The following NARS1 variants were observed in gnomAD, a reference collection of about 807,000 sequenced individuals.
NARS1 encodes the protein asparaginyl-tRNA synthetase 1, also known as asparagine--tRNA ligase, cytoplasmic.
A neutral mutation model predicts 79.2 loss-of-function variants in NARS1; 65 were observed. The ratio of observed to expected loss-of-function variants is 0.82; its 90% CI spans 0.67 to 1.01. The LOEUF (loss-of-function observed/expected upper bound fraction) is 1.01. NARS1 is among the 50% of genes least tolerant of loss of function. The probability of loss-of-function intolerance (pLI) is 0.00; values close to 1 mark genes in which losing one functional copy is unlikely to be tolerated. For missense variants in NARS1, 649 were observed against 673.8 expected, an observed-to-expected ratio of 0.96 and a Z score of 0.41; for synonymous variants, 229 against 238.8, an observed-to-expected ratio of 0.96 and a Z score of 0.38.
Position 57,615,745 on chromosome 18 carries a change from G to T in NARS1, c.253-15C>A, listed in dbSNP as rs1304097347. The stretch of plus-strand genomic sequence containing the variant: ...CTATCTTCTGCCTAATTTTAATGAT[G>T]AAGCAGTTTGTTAACATGGTTGCCA... On this transcript the variant is annotated splice_polypyrimidine_tract_variant and intron_variant, in intron 3 of 13. Coordinates refer to ENST00000256854, the MANE Select transcript of NARS1 (RefSeq NM_004539.4). The T allele has an allele frequency of 2.5e-6, 4 of 1,610,214 alleles. No individual in the cohort carries two copies. The highest frequency in any genetic ancestry group is 3.4e-6 in the Non-Finnish European group (4 of 1,177,586).
Position 57,620,664 on chromosome 18 carries a change from A to G in NARS1, c.11-13T>C. ...ACGTACAGCTCTGCTGTTTGACAAA[A>G]TGAGGGTAAGTTATGGTCTGGCCAT... is the stretch of plus-strand genomic sequence containing the variant. On this transcript the variant is annotated splice_polypyrimidine_tract_variant and intron_variant, in intron 1 of 13. Transcript: ENST00000256854. 1 of 1,589,494 alleles carries G rather than the reference A, an allele frequency of 6.3e-7. No homozygotes were observed. Among genetic ancestry groups the G allele is most frequent in the African/African-American group, 1.3e-5 (1 of 74,232 alleles).
chr18:57,607,374 A>G, intron 8 of NARS1, 41 bp from the exon 9 acceptor site: 1 of 1,610,154 alleles, frequency 6.2e-7, no homozygotes, highest in Non-Finnish European at 8.5e-7. Context: ...TGCTATCGTG[A>G]GCACCACTAT....
rs866350184 is a variant in NARS1 at position 57,605,961 on chromosome 18, G to A, written c.1147C>T (p.Pro383Ser). The A allele has an allele frequency of 6.2e-7, 1 of 1,610,912 alleles. No homozygotes were observed. The highest frequency in any genetic ancestry group is 1.1e-5 in the South Asian group (1 of 90,684). Residue 383 changes from proline (P) to serine (S), a missense_variant, in exon 11 of 14, where the codon CCC (proline) becomes TCC (serine). Transcript: ENST00000256854. The stretch of plus-strand genomic sequence containing the variant: ...ATCCGTTTGAAAGGCCGTTTGGGGG[G>A]CTGAAAGTTCTACAGAAGAAAGGAA... ...IVHELNPNFQ[P>S]PKRPFKRMNY...
chr18:57,613,389 A>T (rs2051621104), intron 5 of NARS1, among the ~76,000 whole-genome samples: 1 of 152,120 alleles, frequency 6.6e-6, no homozygotes, highest in Non-Finnish European at 1.5e-5. Context: ...GCTACTCAGG[A>T]GGCTGAGGCA....
At chr18:57,613,787 T>C (rs997713547) in intron 4 of NARS1, 107 bp from the exon 5 acceptor site, 9 of 874,808 alleles carry the variant, frequency 1.0e-5, no homozygotes, top group African/African-American at 8.3e-5. Context: ...TCACAAATGG[T>C]GCAAAACTGG....
chr18:57,617,171 T>G (rs2122455300), intron 2 of NARS1, among the ~76,000 whole-genome samples: 1 of 152,278 alleles, frequency 6.6e-6, no homozygotes, highest in East Asian at 1.9e-4. Context: ...TCAAAATCTC[T>G]TCCAAGTTAT....
chr18:57,603,012 C>T (rs1411952305), intron 11 of NARS1, 69 bp from the exon 12 acceptor site: 10 of 1,520,232 alleles, frequency 6.6e-6, no homozygotes, highest in East Asian at 2.3e-5. Flanking sequence ...AGCTCCTTCA[C>T]CCTGTACCAG....
chr18:57,606,587 C>T, intron 10 of NARS1, 29 bp downstream of exon 10: 1 of 1,585,534 alleles, frequency 6.3e-7, no homozygotes, highest in Non-Finnish European at 8.6e-7. Flanking sequence ...AGGACTGTGA[C>T]TTTTTCTTTC....
intron 10 of NARS1, among the ~76,000 whole-genome samples, 164 bp downstream of exon 10, chr18:57,606,449 CATT>C (rs1453107111): frequency 6.6e-6 from 1 of 150,736 alleles, no homozygotes; most frequent in African/African-American, 2.4e-5. Context: ...TAACTGAAAA[CATT>C]ATAAAATTAT....
chr18:57,608,607 C>A (rs543986520), intron 7 of NARS1, among the ~76,000 whole-genome samples: 1 of 152,216 alleles, frequency 6.6e-6, no homozygotes, highest in Non-Finnish European at 1.5e-5. Context: ...TTCAGGAATT[C>A]CGTAAGGCTG....
In NARS1 at chr18:57,601,158, T is replaced by G. The variant is rs1344117651; in HGVS notation, c.*494A>C. The G allele has an allele frequency of 6.5e-6, 1 of 153,616 alleles. No individual in the cohort carries two copies. The highest frequency in any genetic ancestry group is 1.4e-5 in the Non-Finnish European group (1 of 69,050). The allele number at this position is 153,616 out of a possible 1,614,324, so 9.5% of individuals were successfully genotyped here. A position where few individuals can be genotyped will look rare whatever the true frequency, so the allele number is the denominator to read the frequency against. On this transcript the variant is annotated 3_prime_UTR_variant, in exon 14 of 14. Coordinates refer to ENST00000256854, the MANE Select transcript of NARS1 (RefSeq NM_004539.4). The stretch of plus-strand genomic sequence containing the variant: ...GTGTTTACTGCTGAATTATACTGTG[T>G]TCTAATATGAGCAGATTTTTATACG...
In NARS1 at chr18:57,609,361, T is replaced by C. The variant is rs769185671; in HGVS notation, c.575A>G (p.Lys192Arg). The stretch of plus-strand genomic sequence containing the variant: ...TGCGAAACTCAATCCACTCACCTGC[T>C]TGCCCTTTGGGGTAAGATTTAGCAT... ...YGMLNLTPKG[K>R]QAPGGHELSC... Residue 192 changes from lysine to arginine, a missense_variant, in exon 7 of 14, where the codon AAG becomes AGG. Coordinates refer to ENST00000256854, the MANE Select transcript of NARS1 (RefSeq NM_004539.4). 7.4e-6 allele frequency: 12 copies of C among 1,613,026 alleles called. No individual in the cohort carries two copies. In the African/African-American group the frequency reaches 1.6e-4, roughly 22 times the overall value.
At chr18:57,613,899 A>G (rs1238258984) in intron 4 of NARS1, among the ~76,000 whole-genome samples, 1 of 152,238 alleles carries the variant, frequency 6.6e-6, no homozygotes, top group Non-Finnish European at 1.5e-5. Flanking sequence ...CTTAATGTAA[A>G]ACTGATAATG....
intron 11 of NARS1, among the ~76,000 whole-genome samples, chr18:57,604,444 C>T (rs2051537198): frequency 6.6e-6 from 1 of 151,874 alleles, no homozygotes. Flanking sequence ...GAGTGCTTTA[C>T]ATAGACCCAG....
intron 1 of NARS1, 109 bp downstream of exon 1, chr18:57,621,599 T>G: frequency 1.7e-6 from 1 of 577,152 alleles, no homozygotes; most frequent in South Asian, 1.4e-5. Context: ...CCCCAAACAT[T>G]CGCGGGGCGC....
At chr18:57,621,240 A>G (rs1599042978) in intron 1 of NARS1, among the ~76,000 whole-genome samples, 1 of 150,868 alleles carries the variant, frequency 6.6e-6, no homozygotes, top group Admixed American at 6.6e-5. Context: ...GTTAACATCC[A>G]TCCAGGTCTC....
At position 57,621,809 on chromosome 18, in the gene NARS1, C is replaced by T. The variant is rs896874737; in HGVS notation, c.-92G>A. The T allele has an allele frequency of 1.3e-6, 2 of 1,599,022 alleles. No individual in the cohort carries two copies. The highest frequency in any genetic ancestry group is 2.7e-5 in the African/African-American group (2 of 74,236). ...ACGTGCACCGGCGGTTTCCGCGATT[C>T]CGGCGTTGCATCAGAGAGCGTAGAT... On this transcript the variant is annotated 5_prime_UTR_variant, in exon 1 of 14. Transcript: ENST00000256854.
At chr18:57,611,890 A>G (rs893886024) in intron 5 of NARS1, among the ~76,000 whole-genome samples, 183 bp from the exon 6 acceptor site, 1 of 151,942 alleles carries the variant, frequency 6.6e-6, no homozygotes, top group Non-Finnish European at 1.5e-5. Flanking sequence ...ACCCTCCCAG[A>G]TAGCTGGGAC....
In NARS1 at chr18:57,603,782, G is replaced by A. The variant is rs184502423; in HGVS notation, c.1252-839C>T. Among the ~76,000 whole-genome samples the A allele has an allele frequency of 1.9e-3, 258 of 136,892 alleles. 2 individuals carry two copies. The highest frequency in any genetic ancestry group is 3.1e-3 in the Non-Finnish European group (185 of 60,324). 89.8% of individuals were successfully genotyped at this position (136,892 alleles called of 152,430 possible). A position where few individuals can be genotyped will look rare whatever the true frequency, so the allele number is the denominator to read the frequency against. The stretch of plus-strand genomic sequence containing the variant: ...GAGCCCTTGCGTCCTCGGAGACGCC[G>A]AGAGGTAACAGGAGATGAGTGGGAG... On this transcript the variant is annotated intron_variant, in intron 11 of 13. Coordinates refer to ENST00000256854, the MANE Select transcript of NARS1 (RefSeq NM_004539.4).
Sources: gnomAD v4.1 joint callset for allele counts (sites outside exome capture counted in the v4.1 genomes callset) on GRCh38, gnomAD v4.1.1 for gene constraint, MANE v1.5 for transcripts, NCBI Gene and HGNC (gene_info 2026-07-23, HGNC 2026-07-21) for gene names.